Variants in VPS35L observed in about 807,000 individuals in gnomAD.
VPS35L encodes VPS35 endosomal protein-sorting factor-like.
In VPS35L, 83 loss-of-function variants were observed where a neutral mutation model predicts 133.0. The ratio of observed to expected loss-of-function variants is 0.62; its 90% confidence interval spans 0.52 to 0.75. The LOEUF is 0.75. VPS35L is among the 30% of genes least tolerant of loss of function. The pLI, the probability that VPS35L is intolerant of heterozygous loss-of-function variation, is 0.00. For synonymous variants in VPS35L, 423 were observed against 449.9 expected (o/e 0.94, Z 0.76); for missense variants, 1,083 against 1,206.8 (o/e 0.90, Z 1.52).
intron 8 of VPS35L, 104 bp from the exon 9 acceptor site, chr16:19,601,560 C>G: frequency 8.9e-7 from 1 of 1,123,228 alleles, no homozygotes; most frequent in South Asian, 1.5e-5. Flanking sequence ...CAAGTTAAAG[C>G]CTGTCTGGGC....
intron 27 of VPS35L, among the ~76,000 whole-genome samples, chr16:19,675,811 A>G (rs563874982): frequency 5.3e-4 from 80 of 151,700 alleles, no homozygotes; most frequent in African/African-American, 1.9e-3. Flanking sequence ...CCGCCTCCCA[A>G]AGTGCTGAGA....
rs189687927 is a variant in VPS35L at position 19,585,017 on chromosome 16, G to A, written c.639+3364G>A. Among the ~76,000 whole-genome samples the A allele has an allele frequency of 1.5e-3, 231 of 152,100 alleles. 1 individual carries two copies. The highest frequency in any genetic ancestry group is 3.4e-3 in the Middle Eastern group (1 of 294). On this transcript the variant is annotated intron_variant, in intron 7 of 30. Transcript: ENST00000417362. ...AGCTCTTTTGTCCATTTTTTAATTGGATTATTTTCTTTAGCATAATATGTT... is the reference window on the plus strand; with the variant it reads ...AGCTCTTTTGTCCATTTTTTAATTGAATTATTTTCTTTAGCATAATATGTT...
chr16:19,597,275 G>T (rs547807532), intron 8 of VPS35L, among the ~76,000 whole-genome samples: 1 of 152,064 alleles, frequency 6.6e-6, no homozygotes, highest in South Asian at 2.1e-4. Flanking sequence ...GGAGGCAGAG[G>T]CAGGCAGATT....
At chr16:19,590,052 G>C (rs115615597) in intron 7 of VPS35L, among the ~76,000 whole-genome samples, 1 of 151,756 alleles carries the variant, frequency 6.6e-6, no homozygotes, top group African/African-American at 2.4e-5. Flanking sequence ...ATCGCAGAGC[G>C]AGGTGTCAGG....
At chr16:19,618,250 T>C (rs1352879143) in intron 14 of VPS35L, among the ~76,000 whole-genome samples, 2 of 152,060 alleles carry the variant, frequency 1.3e-5, no homozygotes, top group African/African-American at 4.8e-5. Context: ...TTGAAAGCTG[T>C]ACAGAAAAGA....
chr16:19,680,638 G>A lies in VPS35L; in HGVS notation c.2362-1587G>A, dbSNP rs571647207. ...GTAAAAAACAACACAGAGGCTGGGCGCGGTGGCTCATGCCTTTAATCCCAG... is the reference window on the plus strand; with the variant it reads ...GTAAAAAACAACACAGAGGCTGGGCACGGTGGCTCATGCCTTTAATCCCAG... On this transcript the variant is annotated intron_variant, in intron 27 of 30. Transcript: ENST00000417362. Among the ~76,000 whole-genome samples, 10 of 152,276 alleles carry A rather than the reference G, an allele frequency of 6.6e-5. 1 individual carries two copies. The highest frequency in any genetic ancestry group is 1.9e-4 in the East Asian group (1 of 5,176).
chr16:19,676,307 C>G (rs1039852626), intron 27 of VPS35L, among the ~76,000 whole-genome samples: 2 of 152,172 alleles, frequency 1.3e-5, no homozygotes, highest in Non-Finnish European at 2.9e-5. Flanking sequence ...CAGATCAAGT[C>G]CCTGGTCCAA....
In VPS35L at chr16:19,616,114, G is replaced by A. The variant is rs778154853; in HGVS notation, c.1024G>A (p.Val342Met). ...SVYARAYLCRVGMEVAPHLKE... is the reference protein window; with the variant it reads ...SVYARAYLCRMGMEVAPHLKE... ...AGTTTTTCCATTTGTCTGGCTGCAG[G>A]TGGGAATGGAAGTGGCCCCACATCT... The change falls in exon 13 of 31, where the codon GTG becomes ATG. Residue 342 changes from valine to methionine, a missense_variant and splice_region_variant. By Grantham distance (21) the Val-to-Met change is conservative. Coordinates refer to ENST00000417362, the MANE Select transcript of VPS35L (RefSeq NM_020314.7). The A allele has an allele frequency of 6.2e-7, 1 of 1,611,684 alleles. No individual in the cohort carries two copies. The highest frequency in any genetic ancestry group is 1.7e-5 in the Admixed American group (1 of 59,966).
intron 27 of VPS35L, among the ~76,000 whole-genome samples, chr16:19,680,195 G>A (rs1478371886): frequency 1.3e-5 from 2 of 152,274 alleles, no homozygotes; most frequent in East Asian, 3.9e-4. Context: ...GGGCTTCGTC[G>A]TAGTATCACC....
chr16:19,629,532 A>G (rs1004044446), intron 17 of VPS35L, among the ~76,000 whole-genome samples: 3 of 152,250 alleles, frequency 2.0e-5, no homozygotes, highest in Non-Finnish European at 4.4e-5. Context: ...TTGAAACTTT[A>G]TGAAAAATCA....
intron 7 of VPS35L, among the ~76,000 whole-genome samples, chr16:19,591,040 A>G (rs549788515): frequency 1.2e-3 from 182 of 152,366 alleles, no homozygotes; most frequent in Middle Eastern, 3.4e-3. Flanking sequence ...TGTAGAATTC[A>G]GCAATTCCCC....
chr16:19,620,610 C>T (rs989059015), intron 14 of VPS35L, among the ~76,000 whole-genome samples: 2 of 152,088 alleles, frequency 1.3e-5, no homozygotes, highest in African/African-American at 4.8e-5. Context: ...TATACCAAAA[C>T]ATCTCATGTA....
intron 12 of VPS35L, among the ~76,000 whole-genome samples, chr16:19,613,857 C>T (rs184699981): frequency 8.0e-4 from 122 of 152,236 alleles, no homozygotes; most frequent in Admixed American, 2.6e-3. Flanking sequence ...TCTAATTTGC[C>T]GATACCAGCA....
intron 3 of VPS35L, among the ~76,000 whole-genome samples, chr16:19,570,834 C>CATATATATATATATATAT (rs58794831): frequency 2.5e-5 from 2 of 78,806 alleles, no homozygotes; most frequent in Non-Finnish European, 5.5e-5. Flanking sequence ...TGCTGTGTTT[C>CATATATATATATATATAT]ATATATATAT....
chr16:19,600,286 A>G (rs1409657212), intron 8 of VPS35L, among the ~76,000 whole-genome samples: 1 of 152,150 alleles, frequency 6.6e-6, no homozygotes, highest in Non-Finnish European at 1.5e-5. Flanking sequence ...TCATAGAGGG[A>G]AATACTTTCA....
intron 8 of VPS35L, among the ~76,000 whole-genome samples, chr16:19,598,505 C>T (rs555343858): frequency 1.8e-4 from 28 of 152,068 alleles, no homozygotes; most frequent in African/African-American, 6.3e-4. Flanking sequence ...AAAGTGAGGC[C>T]CAGTACAGTG....
intron 1 of VPS35L, 152 bp from the exon 2 acceptor site, chr16:19,564,699 A>G (rs1213844278): frequency 3.4e-6 from 2 of 584,374 alleles, no homozygotes; most frequent in African/African-American, 3.8e-5. Context: ...GCGCCTGGCC[A>G]AAAAGTTTGT....
intron 28 of VPS35L, among the ~76,000 whole-genome samples, chr16:19,687,019 T>C (rs752672213): frequency 6.6e-6 from 1 of 152,166 alleles, no homozygotes; most frequent in Non-Finnish European, 1.5e-5. Flanking sequence ...CTGCACACTA[T>C]TGCAATTGCC....
At chr16:19,566,501 A>C (rs1417017758) in intron 2 of VPS35L, among the ~76,000 whole-genome samples, 1 of 152,168 alleles carries the variant, frequency 6.6e-6, no homozygotes, top group Non-Finnish European at 1.5e-5. Flanking sequence ...ATCTCAAAAA[A>C]ATAAAAGGAA....
Sources: gnomAD v4.1 joint callset for allele counts (sites outside exome capture counted in the v4.1 genomes callset) on GRCh38, gnomAD v4.1.1 for gene constraint, MANE v1.5 for transcripts, NCBI Gene and HGNC (gene_info 2026-07-23, HGNC 2026-07-21) for gene names.